HS6ST3: variants seen among roughly 807,000 people sequenced by gnomAD.
HS6ST3 encodes heparan-sulfate 6-O-sulfotransferase 3.
HS6ST3 carries 12 observed loss-of-function variants against 36.7 expected under a neutral mutation model. The ratio of observed to expected loss-of-function variants is 0.33; its 90% CI spans 0.21 to 0.53. The LOEUF (loss-of-function observed/expected upper bound fraction) is 0.53, where lower values mean the gene tolerates loss of function less well. Among genes scored for constraint, HS6ST3 ranks in the 20% least tolerant of loss-of-function variants. The pLI is 0.95. For synonymous variants in HS6ST3, 240 were observed against 257.5 expected, an observed-to-expected ratio of 0.93 and a Z score of 0.65; for missense variants, 584 against 640.9, an observed-to-expected ratio of 0.91 and a Z score of 0.96.
At chr13:96,650,796 A>G (rs1334095918) in intron 1 of HS6ST3, among the ~76,000 whole-genome samples, 1 of 152,066 alleles carries the variant, frequency 6.6e-6, no homozygotes, top group East Asian at 1.9e-4. Context: ...AAGTTCTTCT[A>G]TGTGTGGGTG....
At chr13:96,237,067 A>C (rs950449822) in intron 1 of HS6ST3, among the ~76,000 whole-genome samples, 2 of 152,166 alleles carry the variant, frequency 1.3e-5, no homozygotes, top group African/African-American at 2.4e-5. Flanking sequence ...AAACCATCAG[A>C]TCTCATGAGA....
intron 1 of HS6ST3, among the ~76,000 whole-genome samples, chr13:96,538,513 G>C (rs2056164740): frequency 6.6e-6 from 1 of 152,186 alleles, no homozygotes; most frequent in Non-Finnish European, 1.5e-5. Flanking sequence ...GCACGATCTT[G>C]GCTCACTGCA....
chr13:96,650,517 C>T (rs578245563), intron 1 of HS6ST3, among the ~76,000 whole-genome samples: 1 of 151,904 alleles, frequency 6.6e-6, no homozygotes, highest in Non-Finnish European at 1.5e-5. Flanking sequence ...GGGTTTTTCT[C>T]TAGAAGCTGA....
At chr13:96,631,260 GTTTATGCACCC>G (rs1263203094) in intron 1 of HS6ST3, among the ~76,000 whole-genome samples, 1 of 152,116 alleles carries the variant, frequency 6.6e-6, no homozygotes, top group Non-Finnish European at 1.5e-5. Context: ...TTCTAGCATA[GTTTATGCACCC>G]TTCCTCCCCT....
intron 1 of HS6ST3, among the ~76,000 whole-genome samples, chr13:96,171,399 C>T (rs1047358690): frequency 2.6e-5 from 4 of 152,248 alleles, no homozygotes; most frequent in African/African-American, 4.8e-5. Flanking sequence ...GCTGTACTTA[C>T]GGAATGGAAT....
At chr13:96,389,392 T>TA (rs1277351290) in intron 1 of HS6ST3, among the ~76,000 whole-genome samples, 2 of 152,100 alleles carry the variant, frequency 1.3e-5, no homozygotes, top group African/African-American at 4.8e-5. Context: ...AAAATTTATT[T>TA]AAAAAATAAA....
intron 1 of HS6ST3, among the ~76,000 whole-genome samples, chr13:96,259,385 T>C (rs1327717861): frequency 6.6e-6 from 1 of 152,146 alleles, no homozygotes; most frequent in Non-Finnish European, 1.5e-5. Flanking sequence ...GAGATGACTG[T>C]GGTCCAGGTG....
intron 1 of HS6ST3, among the ~76,000 whole-genome samples, chr13:96,355,358 T>TACACACAC (rs66509801): frequency 6.7e-4 from 94 of 140,574 alleles, no homozygotes; most frequent in Middle Eastern, 3.6e-3. Context: ...AGTCTATAGT[T>TACACACAC]ACACACACAC....
intron 1 of HS6ST3, among the ~76,000 whole-genome samples, chr13:96,533,991 A>G (rs2056145591): frequency 6.6e-6 from 1 of 152,186 alleles, no homozygotes; most frequent in Non-Finnish European, 1.5e-5. Flanking sequence ...CCCATCAGGC[A>G]TTGCTTCTCC....
rs1192674369 is a variant in HS6ST3 at position 96,136,719 on chromosome 13, A to G, written c.707+45150A>G. Among the ~76,000 whole-genome samples, 6 of 136,812 alleles carry G rather than the reference A, an allele frequency of 4.4e-5. No individual in the cohort carries two copies. In the East Asian group the frequency reaches 1.3e-3, roughly 29 times the overall value. 89.8% of individuals were successfully genotyped at this position (136,812 alleles called of 152,430 possible). A position where few individuals can be genotyped will look rare whatever the true frequency, so the allele number is the denominator to read the frequency against. On this transcript the variant is annotated intron_variant, in intron 1 of 1. Coordinates refer to ENST00000376705, the MANE Select transcript of HS6ST3 (RefSeq NM_153456.4). ...TATATATATATATATATATATATAT[A>G]GTAAAATGGTTACTACAGTGAAACA...
intron 1 of HS6ST3, among the ~76,000 whole-genome samples, chr13:96,179,539 C>A (rs1428386840): frequency 6.6e-6 from 1 of 152,198 alleles, no homozygotes; most frequent in African/African-American, 2.4e-5. Context: ...CTGTGGGGAA[C>A]AAGATAAATG....
rs149045651 is a variant in HS6ST3 at position 96,202,616 on chromosome 13, C to T, written c.707+111047C>T. Among the ~76,000 whole-genome samples the T allele has an allele frequency of 2.6e-5, 4 of 152,262 alleles. No individual in the cohort carries two copies. In the South Asian group the frequency reaches 6.2e-4, roughly 24 times the overall value. ...TGCAGCTGCTCCTGGCAGAGTTGCCCGAGAAGGCAGACCACTCTGATTTAT... is the reference window on the plus strand; with the variant it reads ...TGCAGCTGCTCCTGGCAGAGTTGCCTGAGAAGGCAGACCACTCTGATTTAT... On this transcript the variant is annotated intron_variant, in intron 1 of 1. Transcript: ENST00000376705.
At chr13:96,829,613 G>C (rs763953244) in intron 1 of HS6ST3, among the ~76,000 whole-genome samples, 1 of 152,070 alleles carries the variant, frequency 6.6e-6, no homozygotes, top group African/African-American at 2.4e-5. Flanking sequence ...AACTTGCTAA[G>C]GATAATGGCC....
intron 1 of HS6ST3, among the ~76,000 whole-genome samples, chr13:96,452,285 G>T (rs2055731892): frequency 6.6e-6 from 1 of 152,126 alleles, no homozygotes; most frequent in Non-Finnish European, 1.5e-5. Context: ...GAACAATATT[G>T]AGTTTGTGCT....
chr13:96,739,467 C>T (rs1386295124), intron 1 of HS6ST3, among the ~76,000 whole-genome samples: 1 of 152,086 alleles, frequency 6.6e-6, no homozygotes, highest in East Asian at 1.9e-4. Flanking sequence ...CTGAACTGCT[C>T]ACTTTCCCCC....
intron 1 of HS6ST3, among the ~76,000 whole-genome samples, chr13:96,797,576 C>T (rs1454902517): frequency 1.3e-5 from 2 of 152,076 alleles, no homozygotes; most frequent in Non-Finnish European, 2.9e-5. Context: ...GAAATCGTAG[C>T]ACATTGACTG....
At chr13:96,226,258 T>C (rs2054479825) in intron 1 of HS6ST3, among the ~76,000 whole-genome samples, 1 of 152,210 alleles carries the variant, frequency 6.6e-6, no homozygotes, top group Non-Finnish European at 1.5e-5. Context: ...CAGGGGCTCA[T>C]GCCTGTAATC....
intron 1 of HS6ST3, among the ~76,000 whole-genome samples, chr13:96,461,797 C>T (rs79407115): frequency 6.6e-6 from 1 of 152,092 alleles, no homozygotes; most frequent in Admixed American, 6.6e-5. Flanking sequence ...GAGGAACAGA[C>T]AGCAATTCCA....
rs141416940 is a variant in HS6ST3, at chr13:96,654,640, C to T, written c.708-177850C>T. On this transcript the variant is annotated intron_variant, in intron 1 of 1. Transcript: ENST00000376705. ...TGTAGTACAGTTTGAAGTCAGGTAG[C>T]GTGATGCCTCCAGCTTTGTTCTTGT... 8.1e-4 allele frequency among the ~76,000 whole-genome samples: 123 copies of T among 152,174 alleles called. No individual in the cohort carries two copies. In the East Asian group the frequency reaches 0.018, roughly 22 times the overall value.
Sources: gnomAD v4.1 joint callset for allele counts (sites outside exome capture counted in the v4.1 genomes callset) on GRCh38, gnomAD v4.1.1 for gene constraint, MANE v1.5 for transcripts, NCBI Gene and HGNC (gene_info 2026-07-23, HGNC 2026-07-21) for gene names.